The following ACOX2 variants were observed in gnomAD, a reference collection of about 807,000 sequenced individuals.
ACOX2 encodes the protein peroxisomal acyl-coenzyme A oxidase 2.
Under a neutral mutation model 77.5 loss-of-function variants are expected in ACOX2, and 59 were observed. The ratio of observed to expected loss-of-function variants is 0.76; its 90% CI spans 0.62 to 0.95. ACOX2 has a LOEUF of 0.95. Ranked by LOEUF, ACOX2 falls within the 40% of genes least tolerant of loss-of-function variation. The probability of loss-of-function intolerance (pLI) is 0.00; values close to 1 mark genes in which losing one functional copy is unlikely to be tolerated. For synonymous variants in ACOX2, 317 were observed against 340.1 expected, an observed-to-expected ratio of 0.93 and a Z score of 0.75; for missense variants, 837 against 880.4, an observed-to-expected ratio of 0.95 and a Z score of 0.62.
intron 7 of ACOX2, among the ~76,000 whole-genome samples, 191 bp from the exon 8 acceptor site, chr3:58,530,829 C>T (rs1368890942): frequency 1.3e-5 from 2 of 152,210 alleles, no homozygotes; most frequent in Non-Finnish European, 1.5e-5. Flanking sequence ...TGGGACACCC[C>T]GGACCTCCCC....
rs537677080 is a variant in ACOX2 at position 58,508,803 on chromosome 3, G to A, written c.1983+90C>T. ...ACGCCAAGTGATTGCCAACCTAACG[G>A]GAATCAATTAAAATGGGAGAACATG... On this transcript the variant is annotated intron_variant, in intron 14 of 14. Transcript: ENST00000302819. 3.6e-5 allele frequency: 54 copies of A among 1,519,688 alleles called. No individual in the cohort carries two copies. The East Asian group carries it at 1.2e-3, about 33-fold the overall frequency. The allele number at this position is 1,519,688 out of a possible 1,614,324, so 94.1% of individuals were successfully genotyped here. A position where few individuals can be genotyped will look rare whatever the true frequency, so the allele number is the denominator to read the frequency against.
Position 58,522,584 on chromosome 3 carries a change from ACT to A in ACOX2, c.1542_1543del (p.Val515AlafsTer12). On this transcript the variant is annotated frameshift_variant, in exon 12 of 15. Coordinates refer to ENST00000302819, the MANE Select transcript of ACOX2 (RefSeq NM_003500.4). LOFTEE classifies it high-confidence loss of function. The surrounding 1 kb of genome is among the most constrained non-coding windows in gnomAD (Gnocchi z 4.3). ...TTGCGTCAGGGTCTGTAAATGCTGC[ACT>A]GAGTCCTTTATGAGCCTGAAAGCCA... 6.2e-7 allele frequency: 1 copy of A among 1,614,172 alleles called. No homozygotes were observed. The highest frequency in any genetic ancestry group is 1.1e-5 in the South Asian group (1 of 91,082).
Position 58,531,202 on chromosome 3 carries a change from G to A in ACOX2, c.819+49C>T, listed in dbSNP as rs2063435690. The A allele has an allele frequency of 6.4e-7, 1 of 1,558,096 alleles. No individual in the cohort carries two copies. Among genetic ancestry groups the A allele is most frequent in the Non-Finnish European group, 8.8e-7 (1 of 1,136,542 alleles). Reference sequence around the variant, plus strand: ...CCAGGCCCAGCCTGCACAAAGCGCAGGTCCCCTCTCCAGGAAGTACAAGTC... The same window carrying A: ...CCAGGCCCAGCCTGCACAAAGCGCAAGTCCCCTCTCCAGGAAGTACAAGTC... On this transcript the variant is annotated intron_variant, in intron 7 of 14. Transcript: ENST00000302819. This position sits in a 1 kb window ranked among gnomAD's most constrained non-coding sequence, Gnocchi z 5.8.
At chr3:58,530,736 C>T (rs1416930169) in intron 7 of ACOX2, 98 bp from the exon 8 acceptor site, 8 of 1,375,306 alleles carry the variant, frequency 5.8e-6, no homozygotes, top group Non-Finnish European at 7.9e-6. Flanking sequence ...GAGGGCACCT[C>T]GCCCCTCAAC....
Position 58,522,644 on chromosome 3 carries a change from G to A in ACOX2, c.1527-43C>T. 1 of 1,576,934 alleles carries A rather than the reference G, an allele frequency of 6.3e-7. No individual in the cohort carries two copies. The highest frequency in any genetic ancestry group is 8.7e-7 in the Non-Finnish European group (1 of 1,146,378). On this transcript the variant is annotated intron_variant, in intron 11 of 14. Coordinates refer to ENST00000302819, the MANE Select transcript of ACOX2 (RefSeq NM_003500.4). This position sits in a 1 kb window ranked among gnomAD's most constrained non-coding sequence, Gnocchi z 4.3. The stretch of plus-strand genomic sequence containing the variant: ...AAAGGTTCAGCTTCCTGACTGAGTG[G>A]AAAAGACAACTGATGGGCTTCCTGT...
In ACOX2 at chr3:58,524,741, C is replaced by T. The variant is rs2063382980; in HGVS notation, c.1347-136G>A. 6.1e-6 allele frequency: 6 copies of T among 977,016 alleles called. No individual in the cohort carries two copies. The highest frequency in any genetic ancestry group is 7.4e-6 in the Non-Finnish European group (5 of 672,096). 60.5% of individuals were successfully genotyped at this position (977,016 alleles called of 1,614,324 possible). On this transcript the variant is annotated intron_variant, in intron 10 of 14. Coordinates refer to ENST00000302819, the MANE Select transcript of ACOX2 (RefSeq NM_003500.4). This position sits in a 1 kb window ranked among gnomAD's most constrained non-coding sequence, Gnocchi z 5.5. ...GGAGAGCCAGGTCACCAGGCCTCTG[C>T]CTGGCCTCCCTCCTGAGGGTTCCCC... is the stretch of plus-strand genomic sequence containing the variant.
chr3:58,534,883 G>A lies in ACOX2; in HGVS notation c.160+64C>T, dbSNP rs111433569. 593 of 1,602,166 alleles carry A rather than the reference G, an allele frequency of 3.7e-4. 3 individuals are homozygous for A. In the African/African-American group the frequency reaches 6.1e-3, roughly 17 times the overall value. ...TTTGGAAGCAGAACTGCTAATGAAG[G>A]ACTCTTCTTACAAGAGAAGCATGGG... On this transcript the variant is annotated intron_variant, in intron 2 of 14. Coordinates refer to ENST00000302819, the MANE Select transcript of ACOX2 (RefSeq NM_003500.4). The surrounding 1 kb of genome is among the most constrained non-coding windows in gnomAD (Gnocchi z 4.8).
chr3:58,530,679 T>C, intron 7 of ACOX2, 41 bp from the exon 8 acceptor site: 2 of 1,589,546 alleles, frequency 1.3e-6, no homozygotes, highest in Non-Finnish European at 8.6e-7. Flanking sequence ...GGGCCAAGGC[T>C]TCCCAGGATG....
At chr3:58,508,780 GC>G (rs1338487337) in intron 14 of ACOX2, 112 bp downstream of exon 14, 61 of 1,373,966 alleles carry the variant, frequency 4.4e-5, no homozygotes, top group Non-Finnish European at 5.6e-5. Context: ...GACGTGCTAC[GC>G]CAAGTGATTG....
In ACOX2 at chr3:58,523,086, A is replaced by G. The variant is rs1044625765; in HGVS notation, c.1527-485T>C. 6.4e-6 allele frequency: 1 copy of G among 155,586 alleles called. No homozygotes were observed. Among genetic ancestry groups the G allele is most frequent in the Non-Finnish European group, 1.4e-5 (1 of 69,898 alleles). 9.6% of individuals were successfully genotyped at this position (155,586 alleles called of 1,614,324 possible). A position where few individuals can be genotyped will look rare whatever the true frequency, so the allele number is the denominator to read the frequency against. On this transcript the variant is annotated intron_variant, in intron 11 of 14. Coordinates refer to ENST00000302819, the MANE Select transcript of ACOX2 (RefSeq NM_003500.4). The surrounding 1 kb of genome is among the most constrained non-coding windows in gnomAD (Gnocchi z 5.3). ...TTCTACCCAAGGGACCTAAAAACAA[A>G]AAGAGAAAACCAACCTTTGTCCTGC...
At chr3:58,510,697 TATATATATATATACACACACACACAC>T (rs1331779321) in intron 13 of ACOX2, among the ~76,000 whole-genome samples, 308 of 6,904 alleles carry the variant, frequency 0.045, 51 homozygotes, top group East Asian at 0.17. Flanking sequence ...TATATATATA[TATATATATATATACACACACACACAC>T]ACACACACAC....
At position 58,505,830 on chromosome 3, in the gene ACOX2, G is replaced by C. The variant is rs558851020; in HGVS notation, c.1984-544C>G. 6.6e-5 allele frequency among the ~76,000 whole-genome samples: 10 copies of C among 151,764 alleles called. No individual in the cohort carries two copies. Among genetic ancestry groups the C allele is most frequent in the African/African-American group, 2.4e-4 (10 of 41,432 alleles). On this transcript the variant is annotated intron_variant, in intron 14 of 14. Transcript: ENST00000302819. This position sits in a 1 kb window ranked among gnomAD's most constrained non-coding sequence, Gnocchi z 4.4. ...TTTTTGGAGACAGTATTGCTCTGTT[G>C]CCCAGGCTGGAGTGCAGTGGTGCGA...
At position 58,505,270 on chromosome 3, in the gene ACOX2, T is replaced by C. The variant is rs1345989056; in HGVS notation, c.2000A>G (p.Glu667Gly). ...TTGTAAAAGTGGTCTTATATATTCC[T>C]CATAGGCAGGGTTCTCCTGTTTGTA... ...PTNTQENPAY[E>G]EYIRPLLQSW... The change falls in exon 15 of 15, where the codon GAG (glutamate) becomes GGG (glycine). Residue 667 changes from glutamate (E) to glycine (G), a missense_variant. Transcript: ENST00000302819. This position sits in a 1 kb window ranked among gnomAD's most constrained non-coding sequence, Gnocchi z 4.4. 6.2e-7 allele frequency: 1 copy of C among 1,612,822 alleles called. No individual in the cohort carries two copies. Among genetic ancestry groups the C allele is most frequent in the Non-Finnish European group, 8.5e-7 (1 of 1,179,516 alleles).
Position 58,528,775 on chromosome 3 carries a change from C to G in ACOX2, c.1155+19G>C. On this transcript the variant is annotated intron_variant, in intron 9 of 14. Coordinates refer to ENST00000302819, the MANE Select transcript of ACOX2 (RefSeq NM_003500.4). This position sits in a 1 kb window ranked among gnomAD's most constrained non-coding sequence, Gnocchi z 5.6. Reference sequence around the variant, plus strand: ...TCCCAGCGCCTGCCAGCGCCTGCCCCTCCGCAGACAGCAGGTACCTCAGGC... The same window carrying G: ...TCCCAGCGCCTGCCAGCGCCTGCCCGTCCGCAGACAGCAGGTACCTCAGGC... The G allele has an allele frequency of 6.3e-7, 1 of 1,592,622 alleles. No homozygotes were observed. The highest frequency in any genetic ancestry group is 1.1e-5 in the South Asian group (1 of 87,272).
rs1361839918 is a variant in ACOX2 at position 58,524,163 on chromosome 3, T to C, written c.1526+263A>G. ...CAAATCACCATAGGACCCTAGAGAT[T>C]TTAAAAATATCTCACTGGCCAGAGG... On this transcript the variant is annotated intron_variant, in intron 11 of 14. Transcript: ENST00000302819. This position sits in a 1 kb window ranked among gnomAD's most constrained non-coding sequence, Gnocchi z 5.5. Among the ~76,000 whole-genome samples the C allele has an allele frequency of 6.6e-6, 1 of 152,184 alleles. No individual in the cohort carries two copies. The highest frequency in any genetic ancestry group is 2.4e-5 in the African/African-American group (1 of 41,436).
At position 58,508,924 on chromosome 3, in the gene ACOX2, TGGAACA is replaced by T; in HGVS notation, c.1946_1951del (p.Leu649_Phe650del). 6.2e-7 allele frequency: 1 copy of T among 1,614,232 alleles called. No individual in the cohort carries two copies. The highest frequency in any genetic ancestry group is 8.5e-7 in the Non-Finnish European group (1 of 1,180,036). ...ATTGGTTGGTGACTTCTGAGCCCAC[TGGAACA>T]GGCGTTCGTAGACGTTTCCATCATA... On this transcript the variant is annotated inframe_deletion, in exon 14 of 15. Coordinates refer to ENST00000302819, the MANE Select transcript of ACOX2 (RefSeq NM_003500.4).
chr3:58,505,141 T>G lies in ACOX2; in HGVS notation c.*83A>C. The G allele has an allele frequency of 8.7e-7, 1 of 1,149,002 alleles. No homozygotes were observed. Among genetic ancestry groups the G allele is most frequent in the South Asian group, 1.5e-5 (1 of 67,938 alleles). 71.2% of individuals were successfully genotyped at this position (1,149,002 alleles called of 1,614,324 possible). A position where few individuals can be genotyped will look rare whatever the true frequency, so the allele number is the denominator to read the frequency against. On this transcript the variant is annotated 3_prime_UTR_variant, in exon 15 of 15. Transcript: ENST00000302819. The surrounding 1 kb of genome is among the most constrained non-coding windows in gnomAD (Gnocchi z 4.4). ...ATGACTCTAAAACATAAATATCTAA[T>G]TTAAAATTTTAATGTTGCATATATG...
At position 58,535,239 on chromosome 3, in the gene ACOX2, G is replaced by T; in HGVS notation, c.-91-42C>A. On this transcript the variant is annotated intron_variant, in intron 1 of 14. Transcript: ENST00000302819. The surrounding 1 kb of genome is among the most constrained non-coding windows in gnomAD (Gnocchi z 4.8). ...CTGCCTAGGGCTGGGTGTCAGCCAG[G>T]GCTGGTTGGTAGAAGAAAGACATCC... is the stretch of plus-strand genomic sequence containing the variant. 2.6e-6 allele frequency: 3 copies of T among 1,165,034 alleles called. No individual in the cohort carries two copies. The highest frequency in any genetic ancestry group is 3.7e-6 in the Non-Finnish European group (3 of 807,456). 72.2% of individuals were successfully genotyped at this position (1,165,034 alleles called of 1,614,324 possible).
chr3:58,518,936 C>T (rs572379143), intron 12 of ACOX2, among the ~76,000 whole-genome samples: 57 of 152,216 alleles, frequency 3.7e-4, no homozygotes, highest in African/African-American at 1.3e-3. Flanking sequence ...CTCTGGACCC[C>T]GCCCTGCCTC....
Sources: gnomAD v4.1 joint callset for allele counts (sites outside exome capture counted in the v4.1 genomes callset) on GRCh38, gnomAD v4.1.1 for gene constraint, Gnocchi (gnomAD v3.1) non-coding constraint, MANE v1.5 for transcripts, NCBI Gene and HGNC (gene_info 2026-07-23, HGNC 2026-07-21) for gene names.